Variants in PRKG1 observed in about 807,000 individuals in gnomAD.
PRKG1 encodes the protein protein kinase cGMP-dependent 1.
A neutral mutation model predicts 88.1 loss-of-function variants in PRKG1; 35 were observed. The ratio of observed to expected loss-of-function variants is 0.40; its 90% CI spans 0.30 to 0.53. The LOEUF (loss-of-function observed/expected upper bound fraction) is 0.53, where lower values mean the gene tolerates loss of function less well. Ranked by LOEUF, PRKG1 falls within the 20% of genes least tolerant of loss-of-function variation. PRKG1 has a pLI of 0.59. For missense variants in PRKG1, 540 were observed against 839.8 expected, an observed-to-expected ratio of 0.64 and a Z score of 4.41; for synonymous variants, 303 against 292.5, an observed-to-expected ratio of 1.04 and a Z score of -0.37.
chr10:51,760,025 A>T (rs1036350908), intron 3 of PRKG1, among the ~76,000 whole-genome samples: 1 of 151,908 alleles, frequency 6.6e-6, no homozygotes, highest in African/African-American at 2.4e-5. Context: ...GAGTACTGGA[A>T]CTCTATCTGC....
At chr10:51,903,825 A>C (rs1316207364) in intron 4 of PRKG1, among the ~76,000 whole-genome samples, 4 of 152,148 alleles carry the variant, frequency 2.6e-5, no homozygotes, top group Non-Finnish European at 4.4e-5. Flanking sequence ...CATCATTTAC[A>C]GGGGATGTTT....
At chr10:52,183,465 G>A (rs551647538) in intron 9 of PRKG1, among the ~76,000 whole-genome samples, 1 of 152,334 alleles carries the variant, frequency 6.6e-6, no homozygotes, top group South Asian at 2.1e-4. Flanking sequence ...TCAAGGGCAG[G>A]TTCTTCCTGG....
At chr10:52,014,021 G>A (rs1304052041) in intron 5 of PRKG1, among the ~76,000 whole-genome samples, 1 of 152,000 alleles carries the variant, frequency 6.6e-6, no homozygotes, top group Non-Finnish European at 1.5e-5. Context: ...AAGGAAGAGA[G>A]GAATCCAGAT....
At chr10:51,047,167 G>A (rs1003636418) in intron 1 of PRKG1, among the ~76,000 whole-genome samples, 2 of 152,146 alleles carry the variant, frequency 1.3e-5, no homozygotes, top group African/African-American at 4.8e-5. Flanking sequence ...AAAGGTGAGA[G>A]CCTCAAGGTC....
rs549220286 is a variant in PRKG1, at chr10:52,106,855, A to G, written c.936-26985A>G. 6.6e-5 allele frequency among the ~76,000 whole-genome samples: 10 copies of G among 152,194 alleles called. No homozygotes were observed. The East Asian group carries it at 1.9e-3, about 29-fold the overall frequency. On this transcript the variant is annotated intron_variant, in intron 7 of 17. Coordinates refer to ENST00000373980, the MANE Select transcript of PRKG1 (RefSeq NM_006258.4). ...GACACATAATGAGAGTGCCTTTATT[A>G]TAGTGATATTTCTCATGTGATTCTA...
intron 9 of PRKG1, among the ~76,000 whole-genome samples, chr10:52,207,265 C>T (rs943154394): frequency 6.6e-6 from 1 of 151,952 alleles, no homozygotes; most frequent in Non-Finnish European, 1.5e-5. Flanking sequence ...TGTGGAGAGG[C>T]TGTATGCAGG....
chr10:51,637,881 A>G (rs758722670), intron 3 of PRKG1, among the ~76,000 whole-genome samples: 5 of 152,212 alleles, frequency 3.3e-5, no homozygotes, highest in African/African-American at 7.2e-5. Context: ...ATGTTAGCCT[A>G]TGTAACAAAC....
chr10:52,201,111 G>GTTATGA (rs1839654980), intron 9 of PRKG1, among the ~76,000 whole-genome samples: 1 of 151,992 alleles, frequency 6.6e-6, no homozygotes, highest in East Asian at 1.9e-4. Context: ...TGGTGCCTTC[G>GTTATGA]TTATGAAATC....
At chr10:51,951,328 T>C (rs1843178963) in intron 5 of PRKG1, among the ~76,000 whole-genome samples, 1 of 152,206 alleles carries the variant, frequency 6.6e-6, no homozygotes, top group African/African-American at 2.4e-5. Context: ...TGATTAAAGC[T>C]ATGAGGCAAA....
chr10:52,081,609 T>C (rs557180827), intron 7 of PRKG1: 2 of 456,532 alleles, frequency 4.4e-6, no homozygotes, highest in Non-Finnish European at 8.8e-6. Context: ...ATTTGGGAAA[T>C]ACTGATGGAG....
chr10:51,778,174 A>G (rs1838489920), intron 3 of PRKG1, among the ~76,000 whole-genome samples: 1 of 152,150 alleles, frequency 6.6e-6, no homozygotes, highest in African/African-American at 2.4e-5. Flanking sequence ...CTGCCTCAAC[A>G]GATATATAAT....
chr10:52,216,281 C>T (rs116995989), intron 9 of PRKG1, among the ~76,000 whole-genome samples: 1,940 of 152,290 alleles, frequency 0.013, 20 homozygotes, highest in Middle Eastern at 0.037. Context: ...GCATGGAACA[C>T]AAGTGACACT....
intron 1 of PRKG1, among the ~76,000 whole-genome samples, chr10:51,015,888 G>T (rs1220470517): frequency 2.0e-5 from 3 of 151,204 alleles, no homozygotes; most frequent in Admixed American, 6.6e-5. Flanking sequence ...ACTCTGTCTC[G>T]AAAAAAAGAA....
chr10:51,225,019 T>C (rs943162399), intron 2 of PRKG1, among the ~76,000 whole-genome samples: 1 of 152,210 alleles, frequency 6.6e-6, no homozygotes, highest in East Asian at 1.9e-4. Flanking sequence ...GAACTTTGAT[T>C]TGCAGTTAAC....
intron 3 of PRKG1, among the ~76,000 whole-genome samples, chr10:51,706,158 A>G (rs1841598853): frequency 6.6e-6 from 1 of 152,228 alleles, no homozygotes; most frequent in African/African-American, 2.4e-5. Context: ...GCATCCAGTT[A>G]GTTAAAGCAT....
intron 2 of PRKG1, among the ~76,000 whole-genome samples, chr10:51,225,271 A>T (rs1387290484): frequency 6.6e-6 from 1 of 152,058 alleles, no homozygotes; most frequent in Non-Finnish European, 1.5e-5. Context: ...CTCTTTTATA[A>T]GGGCCCTCAT....
chr10:51,332,208 T>C (rs1043602682), intron 2 of PRKG1, among the ~76,000 whole-genome samples: 1 of 152,226 alleles, frequency 6.6e-6, no homozygotes, highest in Non-Finnish European at 1.5e-5. Flanking sequence ...AAAATGTTTA[T>C]TTTTACAGGG....
At chr10:51,264,862 C>T (rs1370433801) in intron 2 of PRKG1, among the ~76,000 whole-genome samples, 1 of 152,062 alleles carries the variant, frequency 6.6e-6, no homozygotes, top group Non-Finnish European at 1.5e-5. Context: ...GGGAATTGTC[C>T]TTTTAAGTTG....
intron 8 of PRKG1, among the ~76,000 whole-genome samples, chr10:52,154,759 C>T (rs1049109212): frequency 6.6e-6 from 1 of 152,106 alleles, no homozygotes; most frequent in Admixed American, 6.6e-5. Flanking sequence ...ATAGCGTACA[C>T]TGTACCCAGT....
Sources: allele counts gnomAD v4.1 joint callset (sites outside exome capture counted in the v4.1 genomes callset), GRCh38; gene constraint gnomAD v4.1.1; transcripts MANE v1.5; gene names NCBI Gene and HGNC (gene_info 2026-07-23, HGNC 2026-07-21).